PABPC4L: variants seen among roughly 807,000 people sequenced by gnomAD.
PABPC4L encodes polyadenylate-binding protein 4-like.
For synonymous variants in PABPC4L, 169 were observed against 164.1 expected (o/e 1.03, Z -0.23); for missense variants, 452 against 451.4 (o/e 1.00, Z -0.01).
At chr4:134,172,380 G>A in the PABPC4L span, among the ~76,000 whole-genome samples, 3 of 151,958 alleles carry the variant, frequency 2.0e-5, no homozygotes, top group African/African-American at 7.2e-5. Context: ...ACAAACATGT[G>A]ATCTTTGACA....
At chr4:134,113,013 A>C in the PABPC4L span, among the ~76,000 whole-genome samples, 1 of 151,940 alleles carries the variant, frequency 6.6e-6, no homozygotes, top group African/African-American at 2.4e-5. Context: ...TTTTTAACAA[A>C]AAAGTTTAAA....
At chr4:134,126,930 T>C in the PABPC4L span, among the ~76,000 whole-genome samples, 1 of 152,106 alleles carries the variant, frequency 6.6e-6, no homozygotes, top group East Asian at 1.9e-4. Flanking sequence ...TATGCTGTTG[T>C]TGGGGGCATG....
At chr4:134,055,993 A>C in the PABPC4L span, among the ~76,000 whole-genome samples, 1 of 151,984 alleles carries the variant, frequency 6.6e-6, no homozygotes, top group Non-Finnish European at 1.5e-5. Flanking sequence ...TATTTTATAT[A>C]ATGTATGAGA....
the PABPC4L span, among the ~76,000 whole-genome samples, chr4:134,095,722 T>C: frequency 2.6e-5 from 4 of 152,004 alleles, no homozygotes; most frequent in Non-Finnish European, 4.4e-5. Context: ...TAAATCCTTA[T>C]CACTTCTCCT....
chr4:134,021,485 G>T, the PABPC4L span, among the ~76,000 whole-genome samples: 1 of 152,132 alleles, frequency 6.6e-6, no homozygotes, highest in African/African-American at 2.4e-5. Flanking sequence ...CCATCAGAAA[G>T]GTCCTGGGAC....
the PABPC4L span, among the ~76,000 whole-genome samples, chr4:133,982,849 T>C: frequency 7.2e-5 from 11 of 152,156 alleles, no homozygotes; most frequent in East Asian, 2.1e-3. Flanking sequence ...AGCACAGTAC[T>C]TGTCAAACAT....
chr4:134,047,898 A>G, the PABPC4L span, among the ~76,000 whole-genome samples: 990 of 152,112 alleles, frequency 6.5e-3, 7 homozygotes, highest in Admixed American at 0.015. Flanking sequence ...GAGTTGGAGA[A>G]GGAGAGTAGA....
At chr4:134,065,107 G>T in the PABPC4L span, among the ~76,000 whole-genome samples, 43 of 152,112 alleles carry the variant, frequency 2.8e-4, no homozygotes, top group African/African-American at 3.8e-4. Flanking sequence ...TTTGGGTATA[G>T]ACCCAATGTG....
the PABPC4L span, among the ~76,000 whole-genome samples, chr4:134,021,306 C>T: frequency 6.6e-6 from 1 of 152,082 alleles, no homozygotes; most frequent in Non-Finnish European, 1.5e-5. Context: ...TCCACTAGAA[C>T]CCACAAGGAC....
At chr4:134,003,451 A>G in the PABPC4L span, among the ~76,000 whole-genome samples, 1 of 151,630 alleles carries the variant, frequency 6.6e-6, no homozygotes, top group African/African-American at 2.4e-5. Flanking sequence ...GCTTTTGTCT[A>G]TTTTTTCCTT....
At chr4:134,054,077 G>C in the PABPC4L span, among the ~76,000 whole-genome samples, 11 of 151,358 alleles carry the variant, frequency 7.3e-5, no homozygotes, top group African/African-American at 2.7e-4. Flanking sequence ...AAATTAATGA[G>C]ACTTAATACT....
At chr4:134,009,069 G>A in the PABPC4L span, among the ~76,000 whole-genome samples, 1 of 151,562 alleles carries the variant, frequency 6.6e-6, no homozygotes, top group African/African-American at 2.4e-5. Context: ...ATTGCTTCTG[G>A]GTAATGAGAT....
the PABPC4L span, among the ~76,000 whole-genome samples, chr4:134,087,880 C>T: frequency 4.6e-5 from 7 of 152,214 alleles, no homozygotes; most frequent in Non-Finnish European, 8.8e-5. Flanking sequence ...GGCAATGGGA[C>T]ATACATTCTA....
chr4:134,152,397 T>G, the PABPC4L span, among the ~76,000 whole-genome samples: 1 of 152,172 alleles, frequency 6.6e-6, no homozygotes, highest in Non-Finnish European at 1.5e-5. Context: ...AAAAATTGAC[T>G]GTTGAAAATT....
chr4:134,005,009 A>G, the PABPC4L span, among the ~76,000 whole-genome samples: 9 of 151,904 alleles, frequency 5.9e-5, no homozygotes, highest in African/African-American at 9.7e-5. Flanking sequence ...CAAAGTTTCA[A>G]TTAGACAAGA....
the PABPC4L span, among the ~76,000 whole-genome samples, chr4:134,152,275 T>C: frequency 6.6e-6 from 1 of 152,202 alleles, no homozygotes; most frequent in African/African-American, 2.4e-5. Flanking sequence ...TTTCAGGTTT[T>C]AGTGTTAAGA....
At chr4:134,004,322 A>T in the PABPC4L span, among the ~76,000 whole-genome samples, 2 of 152,026 alleles carry the variant, frequency 1.3e-5, no homozygotes, top group East Asian at 3.9e-4. Flanking sequence ...CAGGAAAACA[A>T]GGGCGAAGGA....
At chr4:134,196,011 G>T (rs1205352654), downstream of PABPC4L, among the ~76,000 whole-genome samples, 2 of 150,782 alleles carry the variant, frequency 1.3e-5, no homozygotes, top group Non-Finnish European at 3.0e-5. Context: ...TTATATTATG[G>T]GGCATATTTC....
At chr4:134,050,157 A>C in the PABPC4L span, among the ~76,000 whole-genome samples, 1 of 152,266 alleles carries the variant, frequency 6.6e-6, no homozygotes, top group Admixed American at 6.6e-5. Flanking sequence ...TACATTAAAA[A>C]ATTTTTTTCA....
Sources: allele counts gnomAD v4.1 joint callset (sites outside exome capture counted in the v4.1 genomes callset), GRCh38; gene constraint gnomAD v4.1.1; transcripts MANE v1.5; gene names NCBI Gene and HGNC (gene_info 2026-07-23, HGNC 2026-07-21).